HEATR3: variants seen among roughly 807,000 people sequenced by gnomAD.
The protein encoded by HEATR3 is HEAT repeat containing 3.
HEATR3 carries 56 observed loss-of-function variants against 72.8 expected under a neutral mutation model. The ratio of observed to expected loss-of-function variants is 0.77; its 90% CI spans 0.62 to 0.96. The LOEUF (loss-of-function observed/expected upper bound fraction) is 0.96, where lower values mean the gene tolerates loss of function less well. Among genes scored for constraint, HEATR3 ranks in the 40% least tolerant of loss-of-function variants. HEATR3 has a pLI of 0.00. For missense variants in HEATR3, 747 were observed against 831.4 expected (o/e 0.90, Z 1.25); for synonymous variants, 331 against 318.1 (o/e 1.04, Z -0.43).
At chr16:50,079,887 C>G (rs1471169821) in intron 7 of HEATR3, 2 of 152,202 alleles carry the variant, frequency 1.3e-5, no homozygotes, top group East Asian at 3.9e-4. Context: ...CGTGGCCATG[C>G]ACAGATTTCT....
At chr16:50,079,150 A>G (rs980097106) in intron 7 of HEATR3, 132 bp downstream of exon 7, 94 of 821,370 alleles carry the variant, frequency 1.1e-4, no homozygotes, top group Non-Finnish European at 2.3e-5. Flanking sequence ...AATGAGTCAT[A>G]TTTTCCTGTT....
intron 13 of HEATR3, among the ~76,000 whole-genome samples, chr16:50,101,786 C>G (rs910944644): frequency 2.0e-5 from 3 of 151,784 alleles, no homozygotes; most frequent in African/African-American, 7.3e-5. Flanking sequence ...TGCTCCATTG[C>G]CGAGGCTGGT....
intron 3 of HEATR3, 85 bp from the exon 4 acceptor site, chr16:50,070,093 A>T: frequency 1.7e-6 from 1 of 595,940 alleles, no homozygotes; most frequent in Admixed American, 2.9e-5. Flanking sequence ...TCTGATGTCT[A>T]GCCTTTGTGT....
Position 50,105,027 on chromosome 16 carries a change from A to T in HEATR3, c.2009A>T (p.Tyr670Phe). 6.2e-7 allele frequency: 1 copy of T among 1,613,362 alleles called. No individual in the cohort carries two copies. The highest frequency in any genetic ancestry group is 8.5e-7 in the Non-Finnish European group (1 of 1,179,764). ...ATGAATTTGCGAAGATTTATTGCTTATCAAGAAACTGTTGAGAAAAGACTG... is the reference window on the plus strand; with the variant it reads ...ATGAATTTGCGAAGATTTATTGCTTTTCAAGAAACTGTTGAGAAAAGACTG... ...VKMNLRRFIAYQETVEKRLTS is the reference protein window; with the variant it reads ...VKMNLRRFIAFQETVEKRLTS The change falls in exon 15 of 15, where the codon TAT (tyrosine) becomes TTT (phenylalanine). Residue 670 changes from tyrosine (Y) to phenylalanine (F), a missense_variant. This residue lies in a region of HEATR3 where 586 missense variants were observed against 708.8 expected (regional missense o/e 0.83). Transcript: ENST00000299192.
rs773111013 is a variant in HEATR3, at chr16:50,066,358, C to G, written c.139-9C>G. 6.4e-6 allele frequency: 10 copies of G among 1,555,320 alleles called. No homozygotes were observed. Among genetic ancestry groups the G allele is most frequent in the Non-Finnish European group, 6.9e-6 (8 of 1,161,154 alleles). On this transcript the variant is annotated splice_polypyrimidine_tract_variant and intron_variant, in intron 1 of 14. Coordinates refer to ENST00000299192, the MANE Select transcript of HEATR3 (RefSeq NM_182922.4). ...CGCGCCTTCTGACCCTTTTCGCTCTCATCCGCAGCTCCAGCACCCGAGCGC... is the reference window on the plus strand; with the variant it reads ...CGCGCCTTCTGACCCTTTTCGCTCTGATCCGCAGCTCCAGCACCCGAGCGC...
At chr16:50,102,092 C>CTTATACTTGG (rs943113140) in intron 13 of HEATR3, among the ~76,000 whole-genome samples, 167 bp from the exon 14 acceptor site, 6 of 152,218 alleles carry the variant, frequency 3.9e-5, no homozygotes, top group Middle Eastern at 3.4e-3. Context: ...ATTTATCTTG[C>CTTATACTTGG]TTATACTTGG....
At chr16:50,066,586 G>T in intron 2 of HEATR3, 47 bp downstream of exon 2, 3 of 1,260,866 alleles carry the variant, frequency 2.4e-6, no homozygotes, top group Non-Finnish European at 2.0e-6. Context: ...GGCCTCCCCC[G>T]CGTCTGGGCT....
intron 5 of HEATR3, 53 bp downstream of exon 5, chr16:50,072,767 A>T: frequency 9.2e-7 from 1 of 1,089,940 alleles, no homozygotes. Flanking sequence ...TTATTCAAAA[A>T]TTTTTATGCA....
At chr16:50,101,804 TC>T (rs1332951803) in intron 13 of HEATR3, among the ~76,000 whole-genome samples, 2 of 152,206 alleles carry the variant, frequency 1.3e-5, no homozygotes, top group African/African-American at 2.4e-5. Context: ...GGTCTTGAAC[TC>T]CTGGGCTCGA....
rs2037340171 is a variant in HEATR3 at position 50,100,354 on chromosome 16, G to A, written c.1724G>A (p.Gly575Asp). 2 of 1,614,000 alleles carry A rather than the reference G, an allele frequency of 1.2e-6. No individual in the cohort carries two copies. The highest frequency in any genetic ancestry group is 1.7e-6 in the Non-Finnish European group (2 of 1,179,966). ...ITGSVLAKED[G>D]TLETLKNIGC... ...GGCAGCGTCCTTGCCAAAGAAGATG[G>A]TACACTTGAAACTCTTAAGGTAAAA... The change falls in exon 13 of 15, where the codon GGT (glycine) becomes GAT (aspartate). Residue 575 changes from glycine to aspartate, a missense_variant. By Grantham distance (94) the Gly-to-Asp change is moderately conservative. Transcript: ENST00000299192.
intron 7 of HEATR3, among the ~76,000 whole-genome samples, chr16:50,080,475 G>A (rs749291685): frequency 6.6e-6 from 1 of 151,834 alleles, no homozygotes; most frequent in Non-Finnish European, 1.5e-5. Flanking sequence ...CAAGTAGCTG[G>A]GATTACAGGC....
At chr16:50,072,749 G>A in intron 5 of HEATR3, 35 bp downstream of exon 5, 1 of 1,319,758 alleles carries the variant, frequency 7.6e-7, no homozygotes, top group East Asian at 2.3e-5. Flanking sequence ...TATTAAGAAT[G>A]TGTAGCCTTA....
chr16:50,072,645 G>C lies in HEATR3; in HGVS notation c.553G>C (p.Gly185Arg), dbSNP rs760472794. ...SRAVSIFNKE[G>R]CLEIVLKYLS... ...AGCAGTGTCTATATTCAACAAAGAA[G>C]GGTGTTTGGAGATTGTGTTAAAGTA... Residue 185 changes from glycine (G) to arginine (R), a missense_variant, in exon 5 of 15, where the codon GGG becomes CGG. Physicochemically the swap from Gly to Arg is moderately radical, Grantham distance 125. Around this residue, in one of 2 missense-constraint regions of HEATR3, gnomAD observed 586 missense variants for 708.8 expected, o/e 0.83. Coordinates refer to ENST00000299192, the MANE Select transcript of HEATR3 (RefSeq NM_182922.4). The C allele has an allele frequency of 3.7e-6, 6 of 1,610,998 alleles. No homozygotes were observed. Among genetic ancestry groups the C allele is most frequent in the Non-Finnish European group, 5.1e-6 (6 of 1,177,322 alleles).
intron 3 of HEATR3, among the ~76,000 whole-genome samples, chr16:50,069,928 G>A (rs756182361): frequency 5.9e-5 from 9 of 152,178 alleles, no homozygotes; most frequent in Admixed American, 1.3e-4. Flanking sequence ...TTTAGAAGGC[G>A]CTATGTAATA....
At position 50,105,418 on chromosome 16, in the gene HEATR3, C is replaced by CGAT. The variant is rs2150634150; in HGVS notation, c.*358_*359insATG. The CGAT allele has an allele frequency of 6.5e-6, 1 of 154,284 alleles. No individual in the cohort carries two copies. Among genetic ancestry groups the CGAT allele is most frequent in the African/African-American group, 2.7e-5 (1 of 37,280 alleles). 9.6% of individuals were successfully genotyped at this position (154,284 alleles called of 1,614,324 possible). A position where few individuals can be genotyped will look rare whatever the true frequency, so the allele number is the denominator to read the frequency against. On this transcript the variant is annotated 3_prime_UTR_variant, in exon 15 of 15. Coordinates refer to ENST00000299192, the MANE Select transcript of HEATR3 (RefSeq NM_182922.4). ...CAGAGGTTGCAGTGAGCTGAGATCA[C>CGAT]GCTACTGCACTCCAGCCTGGGTGAC...
At chr16:50,100,414 G>A in intron 13 of HEATR3, 41 bp downstream of exon 13, 3 of 1,581,608 alleles carry the variant, frequency 1.9e-6, no homozygotes, top group South Asian at 2.2e-5. Flanking sequence ...TAAATAATTA[G>A]AAATGGGAGA....
rs763042933 is a variant in HEATR3 at position 50,084,184 on chromosome 16, G to A, written c.1183G>A (p.Ala395Thr). ...GCTTTCTAGCAGTGATGAAAGTGACGCATTTATGGAGAATTCCTTCAGTGA... is the reference window on the plus strand; with the variant it reads ...GCTTTCTAGCAGTGATGAAAGTGACACATTTATGGAGAATTCCTTCAGTGA... ...EELSSSDESD[A>T]FMENSFSECG... The change falls in exon 9 of 15, where the codon GCA (alanine) becomes ACA (threonine). Residue 395 changes from alanine (A) to threonine (T), a missense_variant. By Grantham distance (58) the Ala-to-Thr change is moderately conservative. Coordinates refer to ENST00000299192, the MANE Select transcript of HEATR3 (RefSeq NM_182922.4). 2.2e-5 allele frequency: 35 copies of A among 1,613,994 alleles called. No individual in the cohort carries two copies. Among genetic ancestry groups the A allele is most frequent in the African/African-American group, 4.0e-5 (3 of 74,892 alleles).
At chr16:50,071,503 A>G (rs993779053) in intron 4 of HEATR3, among the ~76,000 whole-genome samples, 16 of 152,236 alleles carry the variant, frequency 1.1e-4, no homozygotes, top group African/African-American at 3.9e-4. Flanking sequence ...ATTTCCTTGA[A>G]AAGAATCTGA....
At chr16:50,082,246 G>C (rs2036882837) in intron 7 of HEATR3, among the ~76,000 whole-genome samples, 1 of 152,112 alleles carries the variant, frequency 6.6e-6, no homozygotes, top group Non-Finnish European at 1.5e-5. Context: ...GGGAGGCTGA[G>C]ACATGAGAAT....
Sources: allele counts gnomAD v4.1 joint callset (sites outside exome capture counted in the v4.1 genomes callset), GRCh38; gene constraint gnomAD v4.1.1; regional missense constraint gnomAD v4.1.1; transcripts MANE v1.5; gene names NCBI Gene and HGNC (gene_info 2026-07-23, HGNC 2026-07-21).